The following AKAP9 variants were observed in gnomAD, a reference collection of about 807,000 sequenced individuals.
The protein encoded by AKAP9 is A-kinase anchor protein 9.
AKAP9 carries 311 observed loss-of-function variants against 488.5 expected under a neutral mutation model. The observed-to-expected ratio is 0.64, with a 90% confidence interval of 0.58 to 0.70. AKAP9 has a LOEUF of 0.70. Ranked by LOEUF, AKAP9 falls within the 30% of genes least tolerant of loss-of-function variation. The probability of loss-of-function intolerance (pLI) is 0.00; values close to 1 mark genes in which losing one functional copy is unlikely to be tolerated. For synonymous variants in AKAP9, 1,462 were observed against 1,483.5 expected (o/e 0.99, Z 0.33); for missense variants, 4,215 against 4,374.5 (o/e 0.96, Z 1.03).
rs776175151 is a variant in AKAP9 at position 91,992,074 on chromosome 7, C to T, written c.352-84C>T. 40 of 1,120,750 alleles carry T rather than the reference C, an allele frequency of 3.6e-5. No homozygotes were observed. In the African/African-American group the frequency reaches 4.6e-4, roughly 13 times the overall value. The allele number at this position is 1,120,750 out of a possible 1,614,324, so 69.4% of individuals were successfully genotyped here. ...TTTCCCTAGGAATAAAAGACATACA[C>T]GTGAATACAGTTAACAGAAATATTG... On this transcript the variant is annotated intron_variant, in intron 3 of 49. Coordinates refer to ENST00000356239, the MANE Select transcript of AKAP9 (RefSeq NM_005751.5).
Position 91,983,983 on chromosome 7 carries a change from T to A in AKAP9, c.351+3650T>A, listed in dbSNP as rs982732771. Reference sequence around the variant, plus strand: ...ATCATTTGCTCACTTTTTGTTGGGGTTTTTTTCTTGTAAATTTGTTTAAGT... The same window carrying A: ...ATCATTTGCTCACTTTTTGTTGGGGATTTTTTCTTGTAAATTTGTTTAAGT... On this transcript the variant is annotated intron_variant, in intron 3 of 49. Coordinates refer to ENST00000356239, the MANE Select transcript of AKAP9 (RefSeq NM_005751.5). Among the ~76,000 whole-genome samples the A allele has an allele frequency of 2.6e-5, 4 of 152,152 alleles. No homozygotes were observed. The East Asian group carries it at 7.7e-4, about 29-fold the overall frequency.
Position 92,079,136 on chromosome 7 carries a change from A to T in AKAP9, c.7003A>T (p.Met2335Leu), listed in dbSNP as rs1403214059. The T allele has an allele frequency of 6.2e-7, 1 of 1,613,736 alleles. No individual in the cohort carries two copies. Among genetic ancestry groups the T allele is most frequent in the Non-Finnish European group, 8.5e-7 (1 of 1,179,812 alleles). The change falls in exon 31 of 50, where the codon ATG (methionine) becomes TTG (leucine). Residue 2335 changes from methionine to leucine, a missense_variant. Met to Leu is a conservative substitution (Grantham distance 15). Coordinates refer to ENST00000356239, the MANE Select transcript of AKAP9 (RefSeq NM_005751.5). ...TCTTGAAACCCAAATAGAATGTTTG[A>T]TGAGTGATCAAGAATGTGTGAAGAG... ...RDLETQIECL[M>L]SDQECVKRNR...
intron 22 of AKAP9, among the ~76,000 whole-genome samples, chr7:92,053,714 C>T (rs540440786): frequency 6.6e-6 from 1 of 152,252 alleles, no homozygotes; most frequent in South Asian, 2.1e-4. Context: ...CTGAATGGAT[C>T]ACAAAAGCTT....
At chr7:92,063,873 T>C (rs1388056615) in intron 24 of AKAP9, among the ~76,000 whole-genome samples, 1 of 152,038 alleles carries the variant, frequency 6.6e-6, no homozygotes, top group African/African-American at 2.4e-5. Context: ...CTCCGCCTCC[T>C]GGGTTCAAGC....
chr7:92,080,322 G>A (rs1584465223), intron 31 of AKAP9, among the ~76,000 whole-genome samples, 170 bp downstream of exon 31: 1 of 152,186 alleles, frequency 6.6e-6, no homozygotes, highest in Non-Finnish European at 1.5e-5. Flanking sequence ...AACTAGGACA[G>A]GCGCGGTGGC....
intron 14 of AKAP9, among the ~76,000 whole-genome samples, chr7:92,027,465 G>A (rs530854671): frequency 1.6e-3 from 224 of 142,308 alleles, no homozygotes; most frequent in Admixed American, 3.6e-3. Context: ...GCCTCTGCCC[G>A]GCCGCCCATC....
In AKAP9 at chr7:92,079,035, AATAC is replaced by A. The variant is rs1426976414; in HGVS notation, c.6946-40_6946-37del. The A allele has an allele frequency of 2.5e-5, 34 of 1,339,540 alleles. No homozygotes were observed. In the African/African-American group the frequency reaches 4.5e-4, roughly 18 times the overall value. 83.0% of individuals were successfully genotyped at this position (1,339,540 alleles called of 1,614,324 possible). ...AATAAAGTAAAATTTTCAAAATGTA[AATAC>A]ATATATATTATGTATGTTACCTTTT... On this transcript the variant is annotated intron_variant, in intron 30 of 49. Transcript: ENST00000356239.
chr7:91,995,877 T>G lies in AKAP9; in HGVS notation c.930+77T>G, dbSNP rs1798343083. Reference sequence around the variant, plus strand: ...AGTTTTTTATGCAAGTGGTTTTTTTTTGTTAGGCACATGAATCACAAAATT... The same window carrying G: ...AGTTTTTTATGCAAGTGGTTTTTTTGTGTTAGGCACATGAATCACAAAATT... On this transcript the variant is annotated intron_variant, in intron 7 of 49. Transcript: ENST00000356239. The G allele has an allele frequency of 2.8e-6, 3 of 1,086,116 alleles. No individual in the cohort carries two copies. The South Asian group carries it at 4.4e-5, about 16-fold the overall frequency. 67.3% of individuals were successfully genotyped at this position (1,086,116 alleles called of 1,614,324 possible). A position where few individuals can be genotyped will look rare whatever the true frequency, so the allele number is the denominator to read the frequency against.
At chr7:92,072,386 A>C (rs757428093) in intron 28 of AKAP9, among the ~76,000 whole-genome samples, 1 of 152,204 alleles carries the variant, frequency 6.6e-6, no homozygotes, top group African/African-American at 2.4e-5. Flanking sequence ...GTACTTTATC[A>C]AAACCCATTC....
chr7:91,973,464 C>T (rs1795322254), intron 1 of AKAP9, among the ~76,000 whole-genome samples: 1 of 152,066 alleles, frequency 6.6e-6, no homozygotes, highest in South Asian at 2.1e-4. Flanking sequence ...TAATTCTGGG[C>T]TTATTTTCTT....
chr7:92,092,806 C>G (rs1815860323), intron 38 of AKAP9: 1 of 331,018 alleles, frequency 3.0e-6, no homozygotes, highest in Non-Finnish European at 5.8e-6. Context: ...GCCAGCACGC[C>G]CAGCTAATTT....
intron 36 of AKAP9, 112 bp from the exon 37 acceptor site, chr7:92,086,116 A>T: frequency 1.1e-6 from 1 of 884,602 alleles, no homozygotes; most frequent in Non-Finnish European, 1.7e-6. Flanking sequence ...AAATAAAAGA[A>T]GTACACATGC....
At chr7:92,091,586 AAAAAAAAAAAAC>A (rs1022903945) in intron 38 of AKAP9, among the ~76,000 whole-genome samples, 8 of 80,852 alleles carry the variant, frequency 9.9e-5, no homozygotes, top group African/African-American at 3.9e-4. Flanking sequence ...ACTCTGTCTC[AAAAAAAAAAAAC>A]AAAAAAAAAA....
intron 1 of AKAP9, among the ~76,000 whole-genome samples, chr7:91,966,783 T>G (rs964229073): frequency 7.9e-5 from 12 of 152,344 alleles, no homozygotes; most frequent in Non-Finnish European, 1.5e-4. Context: ...GCTTCCAGCT[T>G]TGTTCTTTTT....
intron 3 of AKAP9, among the ~76,000 whole-genome samples, chr7:91,987,135 C>T (rs1397665191): frequency 6.6e-6 from 1 of 151,974 alleles, no homozygotes; most frequent in Non-Finnish European, 1.5e-5. Context: ...TAATTATGAG[C>T]CAGGCACGGT....
At chr7:92,087,850 TAAG>T (rs1263412012) in intron 37 of AKAP9, among the ~76,000 whole-genome samples, 3 of 151,050 alleles carry the variant, frequency 2.0e-5, no homozygotes, top group Non-Finnish European at 1.5e-5. Context: ...AAGAGTGAAA[TAAG>T]AACTCATGAG....
chr7:92,054,745 C>G (rs1808500537), intron 22 of AKAP9, among the ~76,000 whole-genome samples: 1 of 151,952 alleles, frequency 6.6e-6, no homozygotes, highest in Admixed American at 6.6e-5. Context: ...ACGGTTTTAC[C>G]TCTCTTTTGC....
chr7:92,057,408 T>C (rs1808974784), intron 22 of AKAP9, among the ~76,000 whole-genome samples: 2 of 152,080 alleles, frequency 1.3e-5, no homozygotes, highest in Non-Finnish European at 2.9e-5. Context: ...ATTATAAACT[T>C]GTCTAAATGC....
At chr7:92,090,750 A>G (rs1815398397) in intron 38 of AKAP9, 1 of 152,178 alleles carries the variant, frequency 6.6e-6, no homozygotes, top group African/African-American at 2.4e-5. Context: ...GTTATTATAA[A>G]CATTGTTGTA....
Sources: gnomAD v4.1 joint callset for allele counts (sites outside exome capture counted in the v4.1 genomes callset) on GRCh38, gnomAD v4.1.1 for gene constraint, MANE v1.5 for transcripts, NCBI Gene and HGNC (gene_info 2026-07-23, HGNC 2026-07-21) for gene names.